The following AVL9 variants were observed in gnomAD, a reference collection of about 807,000 sequenced individuals.
AVL9 encodes the protein AVL9 cell migration associated, also known as late secretory pathway protein AVL9 homolog.
Under a neutral mutation model 79.2 loss-of-function variants are expected in AVL9, and 49 were observed. That is an observed-to-expected ratio of 0.62 (90% CI 0.49 to 0.79). AVL9 has a LOEUF of 0.79. Among genes scored for constraint, AVL9 ranks in the 30% least tolerant of loss-of-function variants. The pLI, the probability that AVL9 is intolerant of heterozygous loss-of-function variation, is 0.00. For missense variants in AVL9, 682 were observed against 776.8 expected, an observed-to-expected ratio of 0.88 and a Z score of 1.45; for synonymous variants, 299 against 280.6, an observed-to-expected ratio of 1.07 and a Z score of -0.65.
chr7:32,548,160 T>TGTTTTTTTTTTTTTC (rs1789621579), intron 3 of AVL9, among the ~76,000 whole-genome samples: 1 of 145,158 alleles, frequency 6.9e-6, no homozygotes, highest in African/African-American at 2.5e-5. Context: ...TCTTTTTTTT[T>TGTTTTTTTTTTTTTC]TTTTTGAGAC....
chr7:32,523,203 C>T (rs1023917323), intron 1 of AVL9, among the ~76,000 whole-genome samples: 1 of 149,826 alleles, frequency 6.7e-6, no homozygotes, highest in Admixed American at 6.6e-5. Flanking sequence ...AAGGACTAGC[C>T]CCAGAAGGAT....
chr7:32,521,118 A>G (rs1194762186), intron 1 of AVL9, among the ~76,000 whole-genome samples: 1 of 151,904 alleles, frequency 6.6e-6, no homozygotes, highest in African/African-American at 2.4e-5. Flanking sequence ...TTTTCTTCCC[A>G]GTCTCGGGTA....
intron 1 of AVL9, among the ~76,000 whole-genome samples, chr7:32,524,410 G>A (rs2128125501): frequency 6.6e-6 from 1 of 152,142 alleles, no homozygotes; most frequent in African/African-American, 2.4e-5. Context: ...AGCTACTCGG[G>A]AGGCTGAGAC....
rs1047773303 is a variant in AVL9, at chr7:32,585,275, T to G, written c.*1368T>G. On this transcript the variant is annotated 3_prime_UTR_variant, in exon 16 of 16. Coordinates refer to ENST00000318709, the MANE Select transcript of AVL9 (RefSeq NM_015060.3). ...ATTAAATAGAAATCTCATCTTAGTT[T>G]ATATTCAGCAAAGTAAGAGGCAAGA... The G allele has an allele frequency of 6.6e-6, 1 of 152,188 alleles. No homozygotes were observed. Among genetic ancestry groups the G allele is most frequent in the African/African-American group, 2.4e-5 (1 of 41,452 alleles). The allele number at this position is 152,188 out of a possible 1,614,324, so 9.4% of individuals were successfully genotyped here.
chr7:32,498,468 T>G (rs953148395), intron 1 of AVL9, among the ~76,000 whole-genome samples: 1 of 152,090 alleles, frequency 6.6e-6, no homozygotes, highest in Non-Finnish European at 1.5e-5. Context: ...CAGGCTGGTC[T>G]AGAACTCCTG....
intron 1 of AVL9, among the ~76,000 whole-genome samples, chr7:32,520,810 TA>T (rs1487148973): frequency 5.3e-5 from 8 of 152,054 alleles, no homozygotes; most frequent in African/African-American, 1.7e-4. Flanking sequence ...TAATAATACA[TA>T]GGGGTAATTG....
intron 4 of AVL9, among the ~76,000 whole-genome samples, 198 bp from the exon 5 acceptor site, chr7:32,551,136 G>A (rs1789796173): frequency 6.6e-6 from 1 of 152,102 alleles, no homozygotes; most frequent in Non-Finnish European, 1.5e-5. Flanking sequence ...CAGTGTTTCA[G>A]GTACTTTTCA....
At chr7:32,497,927 A>G (rs1048052793) in intron 1 of AVL9, among the ~76,000 whole-genome samples, 9 of 152,240 alleles carry the variant, frequency 5.9e-5, no homozygotes, top group Non-Finnish European at 7.3e-5. Context: ...CTGGGATTAC[A>G]GGCGTGAGCC....
At chr7:32,553,849 CA>C in intron 7 of AVL9, 82 bp downstream of exon 7, 1 of 962,066 alleles carries the variant, frequency 1.0e-6, no homozygotes, top group Non-Finnish European at 1.6e-6. Context: ...ATTTAACTGC[CA>C]AATTCAGTGT....
intron 1 of AVL9, among the ~76,000 whole-genome samples, chr7:32,523,392 C>T (rs575666443): frequency 6.6e-6 from 1 of 151,998 alleles, no homozygotes; most frequent in African/African-American, 2.4e-5. Context: ...CTTGGCTCGA[C>T]TCCCTGCTGG....
chr7:32,527,847 C>T (rs1788471029), intron 1 of AVL9, among the ~76,000 whole-genome samples: 1 of 151,692 alleles, frequency 6.6e-6, no homozygotes, highest in Non-Finnish European at 1.5e-5. Context: ...CTCCCACAAT[C>T]ATCTGAATAG....
chr7:32,534,277 A>G (rs1039838088), intron 1 of AVL9: 12 of 152,182 alleles, frequency 7.9e-5, no homozygotes, highest in African/African-American at 2.9e-4. Flanking sequence ...CCACATGAAT[A>G]TTGGTTACAT....
rs1255300144 is a variant in AVL9, at chr7:32,587,286, A to G, written c.*3379A>G. 1.3e-5 allele frequency: 2 copies of G among 152,260 alleles called. No individual in the cohort carries two copies. Among genetic ancestry groups the G allele is most frequent in the Non-Finnish European group, 2.9e-5 (2 of 68,056 alleles). 9.4% of individuals were successfully genotyped at this position (152,260 alleles called of 1,614,324 possible). On this transcript the variant is annotated 3_prime_UTR_variant, in exon 16 of 16. Transcript: ENST00000318709. The stretch of plus-strand genomic sequence containing the variant: ...CAGTATTTCATGTGCTAAGGGTTAT[A>G]AGAATTCTTTTAGAAAGGGATTAGA...
chr7:32,568,876 G>C (rs1297230222), intron 10 of AVL9, among the ~76,000 whole-genome samples: 1 of 152,098 alleles, frequency 6.6e-6, no homozygotes, highest in African/African-American at 2.4e-5. Context: ...TAATGCAAAG[G>C]TATAGATTTA....
At chr7:32,511,022 C>A (rs942585241) in intron 1 of AVL9, among the ~76,000 whole-genome samples, 2 of 142,970 alleles carry the variant, frequency 1.4e-5, no homozygotes, top group South Asian at 2.2e-4. Flanking sequence ...ACCATCTCCC[C>A]AGGGTAAGAT....
intron 1 of AVL9, chr7:32,535,616 A>G (rs1353372935): frequency 1.3e-5 from 2 of 152,174 alleles, no homozygotes; most frequent in Non-Finnish European, 2.9e-5. Flanking sequence ...TTCTTTGCTC[A>G]AATAAACTGT....
chr7:32,549,225 AT>A (rs1226414327), intron 4 of AVL9, among the ~76,000 whole-genome samples: 119 of 140,044 alleles, frequency 8.5e-4, no homozygotes, highest in African/African-American at 1.8e-3. Flanking sequence ...ATATATATAT[AT>A]ATAATTTTTT....
At chr7:32,495,839 G>A in intron 1 of AVL9, 37 bp downstream of exon 1, 2 of 1,244,364 alleles carry the variant, frequency 1.6e-6, no homozygotes, top group Non-Finnish European at 2.0e-6. Context: ...CAGCCGTTCG[G>A]GCGTTCGCCC....
chr7:32,536,652 T>G (rs780555452), intron 1 of AVL9: 4 of 152,112 alleles, frequency 2.6e-5, no homozygotes, highest in Non-Finnish European at 5.9e-5. Flanking sequence ...CTGTAAGGGC[T>G]CACTCAGTCC....
Sources: gnomAD v4.1 joint callset for allele counts (sites outside exome capture counted in the v4.1 genomes callset) on GRCh38, gnomAD v4.1.1 for gene constraint, MANE v1.5 for transcripts, NCBI Gene and HGNC (gene_info 2026-07-23, HGNC 2026-07-21) for gene names.